The following ATP6V1E1 variants were observed in gnomAD, a reference collection of about 807,000 sequenced individuals.
ATP6V1E1 encodes ATPase H+ transporting V1 subunit E1.
In ATP6V1E1, 21 loss-of-function variants were observed where a neutral mutation model predicts 35.2. The observed-to-expected ratio is 0.60, with a 90% CI of 0.42 to 0.86. ATP6V1E1 has a LOEUF of 0.86. ATP6V1E1 is among the 40% of genes least tolerant of loss of function. ATP6V1E1 has a pLI of 0.00. For missense variants in ATP6V1E1, 183 were observed against 272.6 expected, an observed-to-expected ratio of 0.67 and a Z score of 2.32; for synonymous variants, 83 against 87.8, an observed-to-expected ratio of 0.95 and a Z score of 0.30.
chr22:17,621,466 T>G (rs2057877278), intron 1 of ATP6V1E1, among the ~76,000 whole-genome samples: 1 of 152,106 alleles, frequency 6.6e-6, no homozygotes. Context: ...CAGCTTAATT[T>G]TGTATTTTTT....
At chr22:17,592,762 C>A (rs113816547) in intron 8 of ATP6V1E1, 26 bp from the exon 9 acceptor site, 2 of 1,575,354 alleles carry the variant, frequency 1.3e-6, no homozygotes, top group Admixed American at 3.3e-5. Flanking sequence ...GTAATAAATA[C>A]GCAATGTCAG....
chr22:17,625,898 T>TAC (rs2057901847), intron 1 of ATP6V1E1, among the ~76,000 whole-genome samples: 1 of 151,800 alleles, frequency 6.6e-6, no homozygotes, highest in East Asian at 1.9e-4. Context: ...CAGGACTGAT[T>TAC]ACACTTTGAA....
At chr22:17,626,086 T>C (rs1211369425) in intron 1 of ATP6V1E1, among the ~76,000 whole-genome samples, 1 of 151,632 alleles carries the variant, frequency 6.6e-6, no homozygotes, top group Non-Finnish European at 1.5e-5. Context: ...GTGGGCAGAT[T>C]ACGAGGTCAG....
chr22:17,628,413 G>A (rs376461511), intron 1 of ATP6V1E1, among the ~76,000 whole-genome samples, 190 bp downstream of exon 1: 2 of 152,232 alleles, frequency 1.3e-5, no homozygotes, highest in Non-Finnish European at 2.9e-5. Context: ...CCCAAGACCC[G>A]AGCAAAAGTC....
At chr22:17,606,074 C>T (rs1256463139) in intron 4 of ATP6V1E1, among the ~76,000 whole-genome samples, 1 of 152,124 alleles carries the variant, frequency 6.6e-6, no homozygotes, top group Non-Finnish European at 1.5e-5. Flanking sequence ...AAAGGAATTC[C>T]AAAGCCTGCA....
chr22:17,605,693 C>CTTTTTTTTTT (rs3044548), intron 4 of ATP6V1E1, among the ~76,000 whole-genome samples: 3 of 103,970 alleles, frequency 2.9e-5, no homozygotes, highest in Non-Finnish European at 5.5e-5. Flanking sequence ...AGATGTTTCT[C>CTTTTTTTTTT]TTTTTTTTTT....
chr22:17,615,829 A>G (rs980425391), intron 2 of ATP6V1E1, among the ~76,000 whole-genome samples: 3 of 151,268 alleles, frequency 2.0e-5, no homozygotes, highest in Non-Finnish European at 2.9e-5. Flanking sequence ...TCAGGAGATC[A>G]AGATCACCCT....
At chr22:17,616,430 G>C (rs961118872) in intron 2 of ATP6V1E1, among the ~76,000 whole-genome samples, 4 of 152,170 alleles carry the variant, frequency 2.6e-5, no homozygotes, top group Non-Finnish European at 5.9e-5. Flanking sequence ...AGTAATCCTA[G>C]CACTTTGGGA....
At chr22:17,614,764 C>T (rs536287068) in intron 2 of ATP6V1E1, among the ~76,000 whole-genome samples, 128 of 151,040 alleles carry the variant, frequency 8.5e-4, no homozygotes, top group African/African-American at 2.7e-3. Context: ...GTCAGGAGAT[C>T]GAGACCATCC....
intron 4 of ATP6V1E1, among the ~76,000 whole-genome samples, chr22:17,610,008 G>C (rs1254719253): frequency 6.6e-6 from 1 of 152,058 alleles, no homozygotes; most frequent in African/African-American, 2.4e-5. Flanking sequence ...GCTCTTGCCT[G>C]TTATCCCAGC....
At chr22:17,596,356 C>G (rs1042067653) in intron 7 of ATP6V1E1, among the ~76,000 whole-genome samples, 1 of 152,080 alleles carries the variant, frequency 6.6e-6, no homozygotes, top group African/African-American at 2.4e-5. Context: ...GTGGCGAGGG[C>G]CTGGATTCTA....
rs544754655 is a variant in ATP6V1E1, at chr22:17,608,820, C to A, written c.276+3992G>T. 2.0e-5 allele frequency among the ~76,000 whole-genome samples: 3 copies of A among 152,336 alleles called. No individual in the cohort carries two copies. The South Asian group carries it at 6.2e-4, about 32-fold the overall frequency. ...CACATTCATTGGCCGGGAGCAGTGG[C>A]TCACGCCTGTAATCCCAGCACTTTG... On this transcript the variant is annotated intron_variant, in intron 4 of 8. Transcript: ENST00000253413.
intron 4 of ATP6V1E1, among the ~76,000 whole-genome samples, chr22:17,609,040 T>C (rs893566557): frequency 6.6e-6 from 1 of 151,986 alleles, no homozygotes; most frequent in Non-Finnish European, 1.5e-5. Flanking sequence ...TGAGCTGATA[T>C]CGCGCCACTG....
intron 1 of ATP6V1E1, among the ~76,000 whole-genome samples, chr22:17,622,080 T>A (rs1230990862): frequency 6.6e-6 from 1 of 152,156 alleles, no homozygotes; most frequent in Non-Finnish European, 1.5e-5. Flanking sequence ...CCGACACAGC[T>A]CATCAAACTC....
intron 2 of ATP6V1E1, among the ~76,000 whole-genome samples, chr22:17,615,449 G>C (rs552989337): frequency 3.3e-5 from 5 of 150,766 alleles, no homozygotes; most frequent in Admixed American, 3.3e-4. Flanking sequence ...GTTCCAAGAC[G>C]AGCCTGGCCA....
intron 1 of ATP6V1E1, among the ~76,000 whole-genome samples, chr22:17,623,686 T>C (rs1397950269): frequency 2.0e-5 from 3 of 151,098 alleles, no homozygotes; most frequent in African/African-American, 7.3e-5. Context: ...TTTAACTAAA[T>C]ACAGTAATCA....
At chr22:17,619,312 G>T in intron 2 of ATP6V1E1, 149 bp downstream of exon 2, 1 of 744,516 alleles carries the variant, frequency 1.3e-6, no homozygotes, top group Non-Finnish European at 2.2e-6. Context: ...AAAAATGAAG[G>T]AAGGAAGGAG....
At chr22:17,618,892 T>TG in intron 2 of ATP6V1E1, 1 of 416,228 alleles carries the variant, frequency 2.4e-6, no homozygotes, top group South Asian at 1.7e-5. Context: ...CCCAGCTACT[T>TG]GGGAGGCTGA....
chr22:17,610,167 T>G (rs1159603138), intron 4 of ATP6V1E1, among the ~76,000 whole-genome samples: 3 of 152,220 alleles, frequency 2.0e-5, no homozygotes, highest in Non-Finnish European at 4.4e-5. Flanking sequence ...ATTATTTATA[T>G]ATTCTAATAG....
Sources: allele counts gnomAD v4.1 joint callset (sites outside exome capture counted in the v4.1 genomes callset), GRCh38; gene constraint gnomAD v4.1.1; transcripts MANE v1.5; gene names NCBI Gene and HGNC (gene_info 2026-07-23, HGNC 2026-07-21).